SEC31A: variants seen among roughly 807,000 people sequenced by gnomAD.
SEC31A encodes SEC31 homolog A, COPII component.
SEC31A carries 70 observed loss-of-function variants against 151.0 expected under a neutral mutation model. The ratio of observed to expected loss-of-function variants is 0.46; its 90% CI spans 0.38 to 0.57. SEC31A has a LOEUF of 0.57. Ranked by LOEUF, SEC31A falls within the 20% of genes least tolerant of loss-of-function variation. SEC31A has a pLI of 0.00. For missense variants in SEC31A, 1,330 were observed against 1,471.2 expected (o/e 0.90, Z 1.57); for synonymous variants, 475 against 505.9 (o/e 0.94, Z 0.82).
At chr4:82,829,205 A>G (rs1173786909) in intron 22 of SEC31A, 147 bp from the exon 23 acceptor site, 1 of 619,258 alleles carries the variant, frequency 1.6e-6, no homozygotes, top group South Asian at 2.1e-5. Flanking sequence ...GGGGATCACT[A>G]TGTAGCCCTG....
At chr4:82,865,339 G>A (rs2149522650) in intron 10 of SEC31A, among the ~76,000 whole-genome samples, 1 of 152,068 alleles carries the variant, frequency 6.6e-6, no homozygotes, top group Admixed American at 6.6e-5. Flanking sequence ...AAATGGTATG[G>A]AGGTTCTTCA....
At chr4:82,875,692 T>C (rs1192676833) in intron 5 of SEC31A, 35 bp downstream of exon 5, 2 of 1,353,904 alleles carry the variant, frequency 1.5e-6, no homozygotes, top group Admixed American at 3.6e-5. Context: ...TTTTGGCTTT[T>C]TTGATTACAA....
intron 24 of SEC31A, among the ~76,000 whole-genome samples, chr4:82,825,724 G>T (rs1724403940): frequency 6.6e-6 from 1 of 152,216 alleles, no homozygotes; most frequent in Non-Finnish European, 1.5e-5. Context: ...GGCCAAATTA[G>T]AGATGGATCA....
upstream of SEC31A, chr4:82,893,449 C>G (rs766328771): frequency 2.0e-5 from 3 of 152,198 alleles, no homozygotes; most frequent in Non-Finnish European, 4.4e-5. Context: ...GTAGACAAAA[C>G]AATCATCACA....
chr4:82,840,289 G>C (rs976626316), intron 22 of SEC31A, among the ~76,000 whole-genome samples: 3 of 152,038 alleles, frequency 2.0e-5, no homozygotes, highest in Non-Finnish European at 4.4e-5. Context: ...CACTTTTTAA[G>C]TGGGGATTTA....
chr4:82,820,009 G>A (rs994828770), intron 26 of SEC31A, among the ~76,000 whole-genome samples: 2 of 151,978 alleles, frequency 1.3e-5, no homozygotes, highest in Non-Finnish European at 2.9e-5. Flanking sequence ...TGATCTGCCC[G>A]CCTCAGCCTC....
At chr4:82,873,757 C>A (rs12649056) in intron 6 of SEC31A, among the ~76,000 whole-genome samples, 40,505 of 151,384 alleles carry the variant, frequency 0.27, 6,424 homozygotes, top group East Asian at 0.47. Flanking sequence ...AACAAACAAA[C>A]AAAAAAAGCT....
chr4:82,828,697 A>AAG (rs1725208929), intron 23 of SEC31A, among the ~76,000 whole-genome samples: 1 of 150,032 alleles, frequency 6.7e-6, no homozygotes, highest in Non-Finnish European at 1.5e-5. Context: ...AAAAAAAAAA[A>AAG]GAAAGCAACC....
At chr4:82,847,762 A>G (rs1052530280) in intron 20 of SEC31A, among the ~76,000 whole-genome samples, 2 of 152,196 alleles carry the variant, frequency 1.3e-5, no homozygotes, top group African/African-American at 2.4e-5. Flanking sequence ...TGTTTTGTTC[A>G]TAACTATACC....
In SEC31A at chr4:82,860,395, AATAC is replaced by A. The variant is rs1159306054; in HGVS notation, c.1626+1232_1626+1235del. On this transcript the variant is annotated intron_variant, in intron 14 of 26. Transcript: ENST00000395310. The stretch of plus-strand genomic sequence containing the variant: ...ATTCCCAAATGATCTTCTATTTGAT[AATAC>A]ATAGTCTAGTTGTACATAAATGAAA... Among the ~76,000 whole-genome samples, 5 of 152,346 alleles carry A rather than the reference AATAC, an allele frequency of 3.3e-5. No homozygotes were observed. In the East Asian group the frequency reaches 9.6e-4, roughly 29 times the overall value.
chr4:82,873,227 G>A (rs1287576802), intron 6 of SEC31A, among the ~76,000 whole-genome samples: 8 of 151,794 alleles, frequency 5.3e-5, no homozygotes, highest in African/African-American at 1.4e-4. Flanking sequence ...GTATGGTGGC[G>A]GACGCCTGTA....
chr4:82,838,920 T>G (rs1728080972), intron 22 of SEC31A, among the ~76,000 whole-genome samples: 1 of 152,244 alleles, frequency 6.6e-6, no homozygotes, highest in African/African-American at 2.4e-5. Context: ...ACAGCTGGAC[T>G]TTCTAAATCC....
intron 20 of SEC31A, among the ~76,000 whole-genome samples, chr4:82,846,922 C>T (rs1433711676): frequency 6.6e-6 from 1 of 152,130 alleles, no homozygotes; most frequent in African/African-American, 2.4e-5. Context: ...ATCATGTTGG[C>T]CAGGCTGGTC....
At chr4:82,878,657 C>A in intron 4 of SEC31A, 73 bp downstream of exon 4, 1 of 1,251,158 alleles carries the variant, frequency 8.0e-7, no homozygotes, top group Non-Finnish European at 1.1e-6. Context: ...AAAACTGAGG[C>A]ATAGTAGATT....
At chr4:82,878,488 G>A (rs555142267) in intron 4 of SEC31A, among the ~76,000 whole-genome samples, 3 of 151,928 alleles carry the variant, frequency 2.0e-5, no homozygotes, top group South Asian at 4.2e-4. Context: ...GCGAGACTCC[G>A]TCTCAAAAAA....
intron 24 of SEC31A, 75 bp downstream of exon 24, chr4:82,827,293 TA>T: frequency 1.4e-6 from 2 of 1,468,178 alleles, no homozygotes; most frequent in Non-Finnish European, 1.8e-6. Context: ...CATGCAATCA[TA>T]AAAGTTAGCA....
chr4:82,837,733 T>C (rs981858225), intron 22 of SEC31A, among the ~76,000 whole-genome samples: 1 of 152,182 alleles, frequency 6.6e-6, no homozygotes, highest in Non-Finnish European at 1.5e-5. Flanking sequence ...TTCCAGAGAA[T>C]CACTGGGGGA....
At chr4:82,881,460 A>G (rs7694918) in intron 2 of SEC31A, among the ~76,000 whole-genome samples, 112,364 of 151,146 alleles carry the variant, frequency 0.74, 42,054 homozygotes, top group Admixed American at 0.79. Context: ...GCAAGACTCC[A>G]TCTCAAAAAA....
Position 82,864,601 on chromosome 4 carries a change from A to T in SEC31A, c.1198-3T>A, listed in dbSNP as rs367846280. The T allele has an allele frequency of 1.1e-5, 18 of 1,611,970 alleles. No individual in the cohort carries two copies. The highest frequency in any genetic ancestry group is 1.5e-5 in the Non-Finnish European group (18 of 1,178,572). On this transcript the variant is annotated splice_polypyrimidine_tract_variant and splice_region_variant and intron_variant, in intron 10 of 26. Transcript: ENST00000395310. ...AACGTAACCAGTTTGCCTCCAAACT[A>T]TAAAAGAGAGAATGAACAAACTCAG...
Sources: gnomAD v4.1 joint callset for allele counts (sites outside exome capture counted in the v4.1 genomes callset) on GRCh38, gnomAD v4.1.1 for gene constraint, MANE v1.5 for transcripts, NCBI Gene and HGNC (gene_info 2026-07-23, HGNC 2026-07-21) for gene names.